CXADR: variants seen among roughly 807,000 people sequenced by gnomAD.
The protein encoded by CXADR is CXADR cell adhesion molecule, also known as coxsackievirus and adenovirus receptor.
In CXADR, 20 loss-of-function variants were observed where a neutral mutation model predicts 40.3. That is an observed-to-expected ratio of 0.50 (90% confidence interval 0.35 to 0.72). The LOEUF (loss-of-function observed/expected upper bound fraction) is 0.72. Among genes scored for constraint, CXADR ranks in the 30% least tolerant of loss-of-function variants. The pLI, the probability that CXADR is intolerant of heterozygous loss-of-function variation, is 0.01. For synonymous variants in CXADR, 150 were observed against 161.3 expected (o/e 0.93, Z 0.53); for missense variants, 332 against 449.1 (o/e 0.74, Z 2.36).
intron 7 of CXADR, among the ~76,000 whole-genome samples, chr21:17,587,253 C>T (rs1445366859): frequency 4.6e-5 from 7 of 152,090 alleles, no homozygotes; most frequent in Non-Finnish European, 1.0e-4. Context: ...GGTATATACC[C>T]AGTAATGGGA....
chr21:17,612,061 G>C, the CXADR span: 11 of 152,348 alleles, frequency 7.2e-5, no homozygotes, highest in African/African-American at 2.7e-4. Flanking sequence ...CCTGCTGCTA[G>C]GCTCTCCCGC....
chr21:17,545,430 A>AT (rs1327210549), intron 1 of CXADR, among the ~76,000 whole-genome samples: 1 of 152,028 alleles, frequency 6.6e-6, no homozygotes, highest in Non-Finnish European at 1.5e-5. Flanking sequence ...TTTGCATTTA[A>AT]TTTTTTAATT....
At chr21:17,539,144 G>A (rs906630934) in intron 1 of CXADR, among the ~76,000 whole-genome samples, 3 of 152,118 alleles carry the variant, frequency 2.0e-5, no homozygotes, top group Non-Finnish European at 2.9e-5. Context: ...GTTGGTAGTA[G>A]GTCACGTCAC....
the CXADR span, among the ~76,000 whole-genome samples, chr21:17,631,900 C>G: frequency 6.6e-6 from 1 of 152,170 alleles, no homozygotes; most frequent in African/African-American, 2.4e-5. Context: ...CACCCTCTAT[C>G]TCCTGGGCTC....
In CXADR at chr21:17,532,862, A is replaced by G. The variant is rs2123175952; in HGVS notation, c.44-14165A>G. On this transcript the variant is annotated intron_variant, in intron 1 of 6. Coordinates refer to ENST00000284878, the MANE Select transcript of CXADR (RefSeq NM_001338.5). ...TTTTAATCTTCATTTTAGAGAGGAA[A>G]ACATCTAGTCACGGAGAGGCTAGAA... Among the ~76,000 whole-genome samples, 3 of 152,336 alleles carry G rather than the reference A, an allele frequency of 2.0e-5. No homozygotes were observed. In the South Asian group the frequency reaches 6.2e-4, roughly 32 times the overall value.
chr21:17,522,567 A>G (rs2060545565), intron 1 of CXADR, among the ~76,000 whole-genome samples: 2 of 151,902 alleles, frequency 1.3e-5, no homozygotes, highest in Admixed American at 1.3e-4. Flanking sequence ...ATCCCCTTCT[A>G]CTTCTATGAA....
At chr21:17,534,038 A>G (rs1451211790) in intron 1 of CXADR, among the ~76,000 whole-genome samples, 3 of 140,844 alleles carry the variant, frequency 2.1e-5, no homozygotes, top group Non-Finnish European at 4.5e-5. Context: ...AGCTATATAT[A>G]TATATATACA....
At chr21:17,599,312 C>G in the CXADR span, among the ~76,000 whole-genome samples, 15 of 151,958 alleles carry the variant, frequency 9.9e-5, no homozygotes, top group South Asian at 1.2e-3. Context: ...TCCCAAGAGG[C>G]TGGGACTACA....
intron 1 of CXADR, chr21:17,542,958 G>A (rs757517228): frequency 1.6e-5 from 4 of 254,212 alleles, no homozygotes; most frequent in Admixed American, 5.3e-5. Context: ...GTGAAAAGAG[G>A]CCCTTCAGTG....
chr21:17,554,110 C>G (rs1295613460), intron 3 of CXADR, among the ~76,000 whole-genome samples: 1 of 152,184 alleles, frequency 6.6e-6, no homozygotes, highest in Non-Finnish European at 1.5e-5. Context: ...TTTGATGGGA[C>G]AGTTACACTG....
chr21:17,599,435 T>C, the CXADR span, among the ~76,000 whole-genome samples: 1 of 150,746 alleles, frequency 6.6e-6, no homozygotes, highest in African/African-American at 2.4e-5. Context: ...CCACTTCAGC[T>C]ACCCAAAGTG....
the CXADR span, chr21:17,604,083 G>C: frequency 8.2e-7 from 1 of 1,225,686 alleles, no homozygotes; most frequent in Non-Finnish European, 1.1e-6. Flanking sequence ...TATTCATTAG[G>C]AGATGTGAAA....
the CXADR span, chr21:17,608,678 C>G: frequency 9.9e-6 from 3 of 302,100 alleles, no homozygotes; most frequent in African/African-American, 2.1e-5. Context: ...GTGAAAATCC[C>G]TAAGTATTTG....
chr21:17,632,694 C>G, the CXADR span, among the ~76,000 whole-genome samples: 4 of 152,044 alleles, frequency 2.6e-5, 1 homozygote, highest in African/African-American at 9.7e-5. Flanking sequence ...GGTGAAACCC[C>G]ATCTCTACTA....
intron 7 of CXADR, among the ~76,000 whole-genome samples, chr21:17,584,409 C>T (rs541512638): frequency 1.3e-5 from 2 of 152,336 alleles, no homozygotes; most frequent in African/African-American, 2.4e-5. Context: ...GGGTGGTTCA[C>T]GTACACATCA....
At chr21:17,530,763 G>A (rs769512772) in intron 1 of CXADR, among the ~76,000 whole-genome samples, 1 of 152,158 alleles carries the variant, frequency 6.6e-6, no homozygotes, top group African/African-American at 2.4e-5. Context: ...GCGGTGAGCC[G>A]AGATTGCACT....
chr21:17,577,496 C>A (rs2061329824), intron 7 of CXADR, among the ~76,000 whole-genome samples: 1 of 148,964 alleles, frequency 6.7e-6, no homozygotes, highest in Non-Finnish European at 1.5e-5. Context: ...TTCCTGGAGT[C>A]TTTTTCATTC....
chr21:17,625,398 GTGTT>G, the CXADR span, among the ~76,000 whole-genome samples: 2 of 152,018 alleles, frequency 1.3e-5, no homozygotes, highest in African/African-American at 4.8e-5. Context: ...ACAAAGAAAA[GTGTT>G]TGAGGTGATA....
At chr21:17,559,601 T>TAA (rs2061081671) in intron 4 of CXADR, among the ~76,000 whole-genome samples, 2 of 152,026 alleles carry the variant, frequency 1.3e-5, no homozygotes, top group African/African-American at 4.8e-5. Context: ...TGTCATATAT[T>TAA]ATAAATGAAG....
Sources: allele counts gnomAD v4.1 joint callset (sites outside exome capture counted in the v4.1 genomes callset), GRCh38; gene constraint gnomAD v4.1.1; transcripts MANE v1.5; gene names NCBI Gene and HGNC (gene_info 2026-07-23, HGNC 2026-07-21).